Variants in LANCL2 observed in about 807,000 individuals in gnomAD.
The protein encoded by LANCL2 is lanC-like protein 2.
LANCL2 carries 33 observed loss-of-function variants against 56.9 expected under a neutral mutation model. The ratio of observed to expected loss-of-function variants is 0.58; its 90% CI spans 0.44 to 0.78. LANCL2 has a LOEUF of 0.78. LANCL2 is among the 30% of genes least tolerant of loss of function. LANCL2 has a pLI of 0.00. For synonymous variants in LANCL2, 233 were observed against 228.2 expected (o/e 1.02, Z -0.19); for missense variants, 562 against 580.2 (o/e 0.97, Z 0.32).
chr7:55,402,743 A>G (rs13244253), intron 5 of LANCL2, among the ~76,000 whole-genome samples: 19 of 110,040 alleles, frequency 1.7e-4, no homozygotes, highest in African/African-American at 4.2e-4. Flanking sequence ...CCGGGCGGAG[A>G]CGCTCCTCAC....
At chr7:55,407,551 G>C (rs144059929) in intron 5 of LANCL2, among the ~76,000 whole-genome samples, 1 of 152,230 alleles carries the variant, frequency 6.6e-6, no homozygotes, top group African/African-American at 2.4e-5. Context: ...CTTTGAGGGC[G>C]TTTTTGAATG....
intron 2 of LANCL2, among the ~76,000 whole-genome samples, chr7:55,397,460 CAAAA>C (rs35547837): frequency 1.1e-5 from 1 of 90,350 alleles, no homozygotes; most frequent in African/African-American, 5.0e-5. Flanking sequence ...GACTCTGTCT[CAAAA>C]AAAAAAAAAA....
chr7:55,385,940 A>G (rs549360572), intron 1 of LANCL2, among the ~76,000 whole-genome samples: 3 of 152,256 alleles, frequency 2.0e-5, no homozygotes, highest in Non-Finnish European at 4.4e-5. Flanking sequence ...TCTCAGGGAC[A>G]TTCCATGCTG....
chr7:55,404,880 C>T (rs954896099), intron 5 of LANCL2, among the ~76,000 whole-genome samples: 3 of 152,178 alleles, frequency 2.0e-5, no homozygotes, highest in African/African-American at 7.2e-5. Flanking sequence ...TCCCAAAGTA[C>T]TGGGATTACA....
intron 1 of LANCL2, among the ~76,000 whole-genome samples, chr7:55,390,459 A>C (rs1227187674): frequency 6.6e-6 from 1 of 152,134 alleles, no homozygotes; most frequent in Non-Finnish European, 1.5e-5. Context: ...TACAAAAATT[A>C]GTCGGGTGTG....
chr7:55,408,113 T>A (rs1273842679), intron 5 of LANCL2, among the ~76,000 whole-genome samples: 1 of 152,236 alleles, frequency 6.6e-6, no homozygotes, highest in Non-Finnish European at 1.5e-5. Flanking sequence ...TAAGAGAAGC[T>A]GTTGCATCCA....
chr7:55,373,998 C>G (rs1789973941), intron 1 of LANCL2, among the ~76,000 whole-genome samples: 1 of 152,166 alleles, frequency 6.6e-6, no homozygotes, highest in Non-Finnish European at 1.5e-5. Flanking sequence ...TTAGTTAGTA[C>G]CATGCAGCAA....
intron 3 of LANCL2, 99 bp from the exon 4 acceptor site, chr7:55,399,858 A>G (rs1286016367): frequency 1.4e-5 from 13 of 943,014 alleles, no homozygotes; most frequent in Non-Finnish European, 1.7e-5. Context: ...TTAAATGTAA[A>G]ATAAATAATA....
chr7:55,378,093 C>G (rs1053553220), intron 1 of LANCL2, among the ~76,000 whole-genome samples: 1 of 152,156 alleles, frequency 6.6e-6, no homozygotes, highest in Non-Finnish European at 1.5e-5. Context: ...AATGATGTGA[C>G]GATTAATTGA....
chr7:55,403,136 C>T (rs1199446754), intron 5 of LANCL2, among the ~76,000 whole-genome samples: 1 of 152,264 alleles, frequency 6.6e-6, no homozygotes, highest in Non-Finnish European at 1.5e-5. Context: ...CACTGCACTC[C>T]AGCCTGGGCA....
chr7:55,394,479 A>G (rs1452506792), intron 2 of LANCL2, among the ~76,000 whole-genome samples: 1 of 152,168 alleles, frequency 6.6e-6, no homozygotes, highest in Non-Finnish European at 1.5e-5. Flanking sequence ...AGGATGGCTC[A>G]AGCCCAGGAG....
intron 8 of LANCL2, among the ~76,000 whole-genome samples, chr7:55,430,544 T>G (rs1790716408): frequency 6.6e-6 from 1 of 152,238 alleles, no homozygotes; most frequent in Non-Finnish European, 1.5e-5. Context: ...TTAATCGGGT[T>G]TTGTTTGCAC....
chr7:55,428,430 C>G lies in LANCL2; in HGVS notation c.1241C>G (p.Pro414Arg). The G allele has an allele frequency of 1.2e-6, 2 of 1,613,968 alleles. No homozygotes were observed. The highest frequency in any genetic ancestry group is 1.7e-6 in the Non-Finnish European group (2 of 1,179,868). Residue 414 changes from proline (P) to arginine (R), a missense_variant, in exon 8 of 9, where the codon CCC (proline) becomes CGC (arginine). This residue lies in a region of LANCL2 where 378 missense variants were observed against 468.4 expected (regional missense o/e 0.81). Coordinates refer to ENST00000254770, the MANE Select transcript of LANCL2 (RefSeq NM_018697.4). ...GAHGCRIPDR[P>R]YSLFEGMAGA... is the part of the protein sequence containing the mutation. The stretch of plus-strand genomic sequence containing the variant: ...CACGGGTGCCGCATTCCTGACAGAC[C>G]CTATTCGCTCTTTGAAGGTAAGAGT...
At position 55,366,167 on chromosome 7, in the gene LANCL2, G is replaced by A. The variant is rs111792103; in HGVS notation, c.142G>A (p.Gly48Ser). The A allele has an allele frequency of 1.9e-6, 3 of 1,560,134 alleles. No individual in the cohort carries two copies. Among genetic ancestry groups the A allele is most frequent in the African/African-American group, 1.4e-5 (1 of 72,806 alleles). Residue 48 changes from glycine (G) to serine (S), a missense_variant, in exon 1 of 9, where the codon GGC becomes AGC. Transcript: ENST00000254770. ...LLASGAAEET[G>S]CVRPPATTDE... ...CGCCTCCGGAGCGGCCGAAGAGACA[G>A]GCTGTGTTCGTCCCCCGGCGACCAC...
chr7:55,382,901 G>A (rs928186472), intron 1 of LANCL2, among the ~76,000 whole-genome samples: 5 of 152,206 alleles, frequency 3.3e-5, no homozygotes, highest in Non-Finnish European at 7.3e-5. Context: ...CTGGTCCCCA[G>A]GCAAGAAGGG....
At chr7:55,394,504 G>A (rs1412187309) in intron 2 of LANCL2, among the ~76,000 whole-genome samples, 5 of 152,188 alleles carry the variant, frequency 3.3e-5, no homozygotes, top group Non-Finnish European at 7.3e-5. Context: ...AGGCTGCAGT[G>A]AGCCATGATT....
At chr7:55,397,405 G>A (rs1207213997) in intron 2 of LANCL2, among the ~76,000 whole-genome samples, 1 of 147,850 alleles carries the variant, frequency 6.8e-6, no homozygotes, top group Non-Finnish European at 1.5e-5. Flanking sequence ...AGGTTGCAGT[G>A]AGCCGAGATC....
At chr7:55,368,630 A>G (rs1468773367) in intron 1 of LANCL2, among the ~76,000 whole-genome samples, 2 of 151,842 alleles carry the variant, frequency 1.3e-5, no homozygotes, top group African/African-American at 4.9e-5. Context: ...AGGATATCAC[A>G]CTATGCACTG....
At position 55,425,372 on chromosome 7, in the gene LANCL2, C is replaced by T. The variant is rs143775487; in HGVS notation, c.1127C>T (p.Ser376Phe). The T allele has an allele frequency of 3.1e-6, 5 of 1,614,158 alleles. No homozygotes were observed. Among genetic ancestry groups the T allele is most frequent in the Non-Finnish European group, 4.2e-6 (5 of 1,180,020 alleles). The change falls in exon 7 of 9, where the codon TCC (serine) becomes TTC (phenylalanine). Residue 376 changes from serine to phenylalanine, a missense_variant. Physicochemically the swap from Ser to Phe is radical, Grantham distance 155 (BLOSUM62 -2). Coordinates refer to ENST00000254770, the MANE Select transcript of LANCL2 (RefSeq NM_018697.4). ...ICHGTAGNGYSFLSLYRLTQD... is the reference protein window; with the variant it reads ...ICHGTAGNGYFFLSLYRLTQD... Reference sequence around the variant, plus strand: ...CATGGGACTGCTGGCAACGGCTATTCCTTCCTGTCCCTTTACCGTCTCACG... The same window carrying T: ...CATGGGACTGCTGGCAACGGCTATTTCTTCCTGTCCCTTTACCGTCTCACG...
Sources: gnomAD v4.1 joint callset for allele counts (sites outside exome capture counted in the v4.1 genomes callset) on GRCh38, gnomAD v4.1.1 for gene constraint, gnomAD v4.1.1 regional missense constraint, MANE v1.5 for transcripts, NCBI Gene and HGNC (gene_info 2026-07-23, HGNC 2026-07-21) for gene names.